The following MGMT variants were observed in gnomAD, a reference collection of about 807,000 sequenced individuals.
The protein encoded by MGMT is methylated-DNA--protein-cysteine methyltransferase.
Under a neutral mutation model 15.9 loss-of-function variants are expected in MGMT, and 14 were observed. That is an observed-to-expected ratio of 0.88 (90% CI 0.58 to 1.37). MGMT has a LOEUF of 1.37. MGMT is among the 40% of genes most tolerant of loss of function. MGMT has a pLI of 0.00. For missense variants in MGMT, 282 were observed against 268.1 expected (o/e 1.05, Z -0.36); for synonymous variants, 130 against 118.2 (o/e 1.10, Z -0.65).
chr10:129,479,286 G>C (rs1388210301), intron 1 of MGMT, among the ~76,000 whole-genome samples: 1 of 152,096 alleles, frequency 6.6e-6, no homozygotes, highest in African/African-American at 2.4e-5. Flanking sequence ...TCAGGCTGTT[G>C]GAAGTATATT....
chr10:129,645,277 G>A (rs539593057), intron 2 of MGMT, among the ~76,000 whole-genome samples: 262 of 152,176 alleles, frequency 1.7e-3, no homozygotes, highest in African/African-American at 6.1e-3. Context: ...CCACCACCAT[G>A]CCTAGCTGAT....
intron 2 of MGMT, among the ~76,000 whole-genome samples, chr10:129,596,980 G>T (rs1846758724): frequency 6.6e-6 from 1 of 152,144 alleles, no homozygotes; most frequent in South Asian, 2.1e-4. Context: ...GGCTTAGTGG[G>T]CTGGGGTGAA....
chr10:129,697,830 G>A (rs1054777115), intron 2 of MGMT, among the ~76,000 whole-genome samples: 2 of 152,116 alleles, frequency 1.3e-5, no homozygotes, highest in African/African-American at 2.4e-5. Context: ...ACACAAAGTC[G>A]GTCATCTTGT....
At chr10:129,514,640 G>A (rs1845718534) in intron 1 of MGMT, among the ~76,000 whole-genome samples, 1 of 147,898 alleles carries the variant, frequency 6.8e-6, no homozygotes, top group South Asian at 2.1e-4. Context: ...TTGGTATTAA[G>A]AGTTGGGGCC....
intron 2 of MGMT, among the ~76,000 whole-genome samples, chr10:129,699,872 A>G (rs1213811275): frequency 1.3e-5 from 2 of 152,166 alleles, no homozygotes; most frequent in Non-Finnish European, 2.9e-5. Context: ...TCTTTAAAAT[A>G]GGCCCTACAA....
At chr10:129,501,672 A>G (rs1282895647) in intron 1 of MGMT, among the ~76,000 whole-genome samples, 1 of 152,194 alleles carries the variant, frequency 6.6e-6, no homozygotes, top group Admixed American at 6.5e-5. Flanking sequence ...CACCTGCCGC[A>G]GGTGATGATT....
chr10:129,596,949 G>A (rs928757821), intron 2 of MGMT, among the ~76,000 whole-genome samples: 1 of 152,096 alleles, frequency 6.6e-6, no homozygotes, highest in African/African-American at 2.4e-5. Flanking sequence ...GAGGGGGGTG[G>A]GGTGTAGTGG....
chr10:129,515,015 A>C (rs1298270919), intron 1 of MGMT, among the ~76,000 whole-genome samples: 2 of 152,200 alleles, frequency 1.3e-5, no homozygotes, highest in African/African-American at 4.8e-5. Flanking sequence ...ATTGGACTCT[A>C]ACCAGTACCC....
intron 2 of MGMT, among the ~76,000 whole-genome samples, chr10:129,591,156 G>C (rs1564861825): frequency 6.6e-6 from 1 of 152,166 alleles, no homozygotes; most frequent in Non-Finnish European, 1.5e-5. Context: ...CCAGGAGAAG[G>C]CGAGACTGGC....
intron 1 of MGMT, among the ~76,000 whole-genome samples, chr10:129,469,534 G>T (rs933999512): frequency 1.3e-5 from 2 of 152,030 alleles, no homozygotes; most frequent in Non-Finnish European, 1.5e-5. Flanking sequence ...TTTGACTTCC[G>T]TTTGGGACTC....
At chr10:129,683,389 G>C (rs1484596945) in intron 2 of MGMT, among the ~76,000 whole-genome samples, 4 of 152,166 alleles carry the variant, frequency 2.6e-5, no homozygotes, top group Non-Finnish European at 4.4e-5. Context: ...TCATTTGATG[G>C]TTCTTTGATT....
At chr10:129,496,440 A>C (rs61859846) in intron 1 of MGMT, among the ~76,000 whole-genome samples, 15,929 of 152,238 alleles carry the variant, frequency 0.1, 1,012 homozygotes, top group East Asian at 0.29. Context: ...AGGGGACATA[A>C]CATTTTAGTA....
chr10:129,635,409 C>T (rs532904617), intron 2 of MGMT, among the ~76,000 whole-genome samples: 2 of 152,336 alleles, frequency 1.3e-5, no homozygotes, highest in South Asian at 4.1e-4. Context: ...TCCGGGTGCC[C>T]GGAACTCTCA....
At chr10:129,468,037 A>G (rs142731144) in intron 1 of MGMT, among the ~76,000 whole-genome samples, 3 of 152,260 alleles carry the variant, frequency 2.0e-5, no homozygotes, top group Non-Finnish European at 2.9e-5. Flanking sequence ...TGCTGAGATC[A>G]TCATCAGACA....
At chr10:129,497,829 G>A (rs545488078) in intron 1 of MGMT, among the ~76,000 whole-genome samples, 18 of 152,292 alleles carry the variant, frequency 1.2e-4, no homozygotes, top group Admixed American at 7.2e-4. Context: ...CTTCCACCAC[G>A]TGAGGACGCG....
chr10:129,681,103 C>T (rs1230332406), intron 2 of MGMT, among the ~76,000 whole-genome samples: 2 of 152,200 alleles, frequency 1.3e-5, no homozygotes, highest in African/African-American at 4.8e-5. Flanking sequence ...CTGTCTGTCT[C>T]CTGTGCTGGA....
chr10:129,565,084 G>A (rs550796176), intron 2 of MGMT, among the ~76,000 whole-genome samples: 9 of 152,350 alleles, frequency 5.9e-5, no homozygotes, highest in Admixed American at 4.6e-4. Flanking sequence ...GGAAAGAGGG[G>A]CATCTAGCTG....
chr10:129,523,326 G>A (rs1589849092), intron 1 of MGMT, among the ~76,000 whole-genome samples: 2 of 152,228 alleles, frequency 1.3e-5, no homozygotes, highest in Non-Finnish European at 2.9e-5. Context: ...GCATTATCGC[G>A]GATGTTAGCA....
At chr10:129,493,163 T>G (rs1845486569) in intron 1 of MGMT, among the ~76,000 whole-genome samples, 1 of 152,178 alleles carries the variant, frequency 6.6e-6, no homozygotes, top group Admixed American at 6.5e-5. Context: ...AGTGCCTAAA[T>G]TAGGGATGCT....
Sources: allele counts gnomAD v4.1 joint callset (sites outside exome capture counted in the v4.1 genomes callset), GRCh38; gene constraint gnomAD v4.1.1; transcripts MANE v1.5; gene names NCBI Gene and HGNC (gene_info 2026-07-23, HGNC 2026-07-21).